Variants in GGA1 observed in about 807,000 individuals in gnomAD.
GGA1 encodes the protein ADP-ribosylation factor-binding protein GGA1.
A neutral mutation model predicts 76.9 loss-of-function variants in GGA1; 18 were observed. The observed-to-expected ratio is 0.23, with a 90% CI of 0.16 to 0.35. The LOEUF (loss-of-function observed/expected upper bound fraction) is 0.35. GGA1 is among the 10% of genes least tolerant of loss of function. GGA1 has a pLI of 1.00. For synonymous variants in GGA1, 342 were observed against 354.7 expected (o/e 0.96, Z 0.40); for missense variants, 755 against 859.0 (o/e 0.88, Z 1.51).
intron 4 of GGA1, among the ~76,000 whole-genome samples, chr22:37,619,209 G>T (rs1191119541): frequency 6.6e-6 from 1 of 152,016 alleles, no homozygotes; most frequent in Non-Finnish European, 1.5e-5. Flanking sequence ...GGGATTGCAG[G>T]TGCACGCCAC....
At chr22:37,629,683 C>T (rs1931441332) in intron 12 of GGA1, among the ~76,000 whole-genome samples, 157 bp downstream of exon 12, 1 of 152,156 alleles carries the variant, frequency 6.6e-6, no homozygotes, top group African/African-American at 2.4e-5. Flanking sequence ...ACCCAGGGTA[C>T]AGGGCCTCCC....
rs570251473 is a variant in GGA1, at chr22:37,630,596, T to C, written c.1332-307T>C. ...CTTTTTCTTTTTTTGAGAGGGAGTC[T>C]CACCCTGTCACCCAGGCTGGAGTAC... On this transcript the variant is annotated intron_variant, in intron 13 of 16. Transcript: ENST00000343632. 9.2e-4 allele frequency: 433 copies of C among 469,192 alleles called. 1 individual carries two copies. The highest frequency in any genetic ancestry group is 7.9e-3 in the African/African-American group (389 of 48,954). 29.1% of individuals were successfully genotyped at this position (469,192 alleles called of 1,614,324 possible).
rs1931439305 is a variant in GGA1 at position 37,629,672 on chromosome 22, C to T, written c.1158+146C>T. 20 of 569,706 alleles carry T rather than the reference C, an allele frequency of 3.5e-5. No homozygotes were observed. The East Asian group carries it at 6.4e-4, about 18-fold the overall frequency. 35.3% of individuals were successfully genotyped at this position (569,706 alleles called of 1,614,324 possible). ...GGTGGCCCAGGGGCCTGGAGACACC[C>T]ACCCAGGGTACAGGGCCTCCCCTTA... is the stretch of plus-strand genomic sequence containing the variant. On this transcript the variant is annotated intron_variant, in intron 12 of 16. Transcript: ENST00000343632.
In GGA1 at chr22:37,625,173, C is replaced by A; in HGVS notation, c.940+97C>A. ...GCTGGTCTCAGAGCGGCTGGAATGA[C>A]TGCCAGGGTGACCCTGGCCCCTTAA... is the stretch of plus-strand genomic sequence containing the variant. On this transcript the variant is annotated intron_variant, in intron 10 of 16. Transcript: ENST00000343632. The surrounding 1 kb of genome is among the most constrained non-coding windows in gnomAD (Gnocchi z 4.1). 1 of 1,129,836 alleles carries A rather than the reference C, an allele frequency of 8.9e-7. No homozygotes were observed. The highest frequency in any genetic ancestry group is 1.3e-6 in the Non-Finnish European group (1 of 777,216). The allele number at this position is 1,129,836 out of a possible 1,614,324, so 70.0% of individuals were successfully genotyped here.
intron 1 of GGA1, chr22:37,609,224 G>C (rs569118683): frequency 3.3e-6 from 4 of 1,228,892 alleles, no homozygotes; most frequent in Non-Finnish European, 4.1e-6. Context: ...ATTGCTTCAC[G>C]GAGTAGCGGC....
chr22:37,613,223 A>T (rs1042590219), intron 1 of GGA1: 1 of 936,052 alleles, frequency 1.1e-6, no homozygotes, highest in African/African-American at 1.8e-5. Context: ...GAGGCCCCTC[A>T]TTCTCTGCCT....
At chr22:37,609,178 G>T in intron 1 of GGA1, 1 of 1,420,954 alleles carries the variant, frequency 7.0e-7, no homozygotes, top group Non-Finnish European at 9.3e-7. Flanking sequence ...GGAACCCCCG[G>T]GACGGAGAGA....
rs1929761120 is a variant in GGA1 at position 37,620,921 on chromosome 22, T to C, written c.528+8T>C. 2 of 1,553,714 alleles carry C rather than the reference T, an allele frequency of 1.3e-6. No homozygotes were observed. The highest frequency in any genetic ancestry group is 1.8e-6 in the Non-Finnish European group (2 of 1,124,902). On this transcript the variant is annotated splice_region_variant and intron_variant, in intron 6 of 16. Coordinates refer to ENST00000343632, the MANE Select transcript of GGA1 (RefSeq NM_013365.5). ...GATGAGGAGAAATCCAAGGTGAGACTCCAAGGAGGCACATATGGGGACTCT... is the reference window on the plus strand; with the variant it reads ...GATGAGGAGAAATCCAAGGTGAGACCCCAAGGAGGCACATATGGGGACTCT...
chr22:37,614,998 T>G (rs1366799674), intron 2 of GGA1, among the ~76,000 whole-genome samples: 1 of 151,964 alleles, frequency 6.6e-6, no homozygotes, highest in Non-Finnish European at 1.5e-5. Flanking sequence ...AACAAAGAAT[T>G]ACCTAGAATG....
At position 37,620,272 on chromosome 22, in the gene GGA1, A is replaced by G; in HGVS notation, c.338A>G (p.Asn113Ser). Reference protein sequence around the residue: ...LGSRTSEKVKNKILELLYSWT... With the variant: ...LGSRTSEKVKSKILELLYSWT... ...TCTCGGACATCGGAGAAGGTGAAGAACAAGATCTTGGAGCTCCTCTACAGC... is the reference window on the plus strand; with the variant it reads ...TCTCGGACATCGGAGAAGGTGAAGAGCAAGATCTTGGAGCTCCTCTACAGC... The change falls in exon 5 of 17, where the codon AAC (asparagine) becomes AGC (serine). Residue 113 changes from asparagine to serine, a missense_variant. Physicochemically the swap from Asn to Ser is conservative, Grantham distance 46. Transcript: ENST00000343632. 1 of 1,613,660 alleles carries G rather than the reference A, an allele frequency of 6.2e-7. No homozygotes were observed. Among genetic ancestry groups the G allele is most frequent in the Non-Finnish European group, 8.5e-7 (1 of 1,179,640 alleles).
Position 37,630,325 on chromosome 22 carries a change from AAC to A in GGA1, c.1331+159_1331+160del, listed in dbSNP as rs1931578110. 8.5e-6 allele frequency: 5 copies of A among 588,372 alleles called. 1 individual carries two copies. The South Asian group carries it at 1.0e-4, about 12-fold the overall frequency. 36.4% of individuals were successfully genotyped at this position (588,372 alleles called of 1,614,324 possible). ...GCCAAGCAGTGCACCTGCCTCTGGA[AAC>A]ACAACAGTGCCCAAGGCAGACCTGG... On this transcript the variant is annotated intron_variant, in intron 13 of 16. Coordinates refer to ENST00000343632, the MANE Select transcript of GGA1 (RefSeq NM_013365.5).
Position 37,633,155 on chromosome 22 carries a change from C to T in GGA1, c.*444C>T, listed in dbSNP as rs765526293. 6 of 167,004 alleles carry T rather than the reference C, an allele frequency of 3.6e-5. No homozygotes were observed. Among genetic ancestry groups the T allele is most frequent in the Admixed American group, 5.8e-5 (1 of 17,208 alleles). 10.3% of individuals were successfully genotyped at this position (167,004 alleles called of 1,614,324 possible). ...TGCTGGAGCTGGGGACCAGCTTAGGCCTCCTCCATAGGAACCCAGTGACTG... is the reference window on the plus strand; with the variant it reads ...TGCTGGAGCTGGGGACCAGCTTAGGTCTCCTCCATAGGAACCCAGTGACTG... On this transcript the variant is annotated 3_prime_UTR_variant, in exon 17 of 17. Coordinates refer to ENST00000343632, the MANE Select transcript of GGA1 (RefSeq NM_013365.5).
chr22:37,624,784 A>C lies in GGA1; in HGVS notation c.833-185A>C. Reference sequence around the variant, plus strand: ...AGTATGGCAGGGAGTGAATGAGGGAAGGGTGGGAGGTGAGACCAGGGAGGT... The same window carrying C: ...AGTATGGCAGGGAGTGAATGAGGGACGGGTGGGAGGTGAGACCAGGGAGGT... On this transcript the variant is annotated intron_variant, in intron 9 of 16. Coordinates refer to ENST00000343632, the MANE Select transcript of GGA1 (RefSeq NM_013365.5). The surrounding 1 kb of genome is among the most constrained non-coding windows in gnomAD (Gnocchi z 4.3). 2.8e-6 allele frequency: 2 copies of C among 712,722 alleles called. No individual in the cohort carries two copies. The highest frequency in any genetic ancestry group is 4.5e-6 in the Non-Finnish European group (2 of 445,270). The allele number at this position is 712,722 out of a possible 1,614,324, so 44.1% of individuals were successfully genotyped here. A position where few individuals can be genotyped will look rare whatever the true frequency, so the allele number is the denominator to read the frequency against.
chr22:37,613,146 G>A (rs1169594582), intron 1 of GGA1: 18 of 985,246 alleles, frequency 1.8e-5, no homozygotes, highest in East Asian at 1.1e-4. Flanking sequence ...AGGGGACACC[G>A]GAGCCACTCC....
At chr22:37,629,583 G>C (rs1269883497) in intron 12 of GGA1, 57 bp downstream of exon 12, 1 of 1,108,914 alleles carries the variant, frequency 9.0e-7, no homozygotes, top group African/African-American at 1.6e-5. Context: ...CAGGGCAGCT[G>C]GGACAAGTGG....
Position 37,623,304 on chromosome 22 carries a change from G to A in GGA1, c.610-23G>A. The A allele has an allele frequency of 6.2e-7, 1 of 1,612,132 alleles. No individual in the cohort carries two copies. The highest frequency in any genetic ancestry group is 8.5e-7 in the Non-Finnish European group (1 of 1,178,302). ...TCGTCCAGGCCAAAGGTTCTCAGGGGCCCTTGGCCAATGTGTCCCCAGGAC... is the reference window on the plus strand; with the variant it reads ...TCGTCCAGGCCAAAGGTTCTCAGGGACCCTTGGCCAATGTGTCCCCAGGAC... On this transcript the variant is annotated intron_variant, in intron 7 of 16. Coordinates refer to ENST00000343632, the MANE Select transcript of GGA1 (RefSeq NM_013365.5). This position sits in a 1 kb window ranked among gnomAD's most constrained non-coding sequence, Gnocchi z 4.6.
intron 3 of GGA1, 33 bp downstream of exon 3, chr22:37,617,030 G>A (rs1164273111): frequency 1.5e-5 from 24 of 1,574,600 alleles, no homozygotes; most frequent in South Asian, 7.0e-5. Flanking sequence ...TCCGTCCCCC[G>A]CCATGTGACG....
chr22:37,611,557 A>G (rs990851985), intron 1 of GGA1, among the ~76,000 whole-genome samples: 2 of 152,214 alleles, frequency 1.3e-5, no homozygotes, highest in Admixed American at 1.3e-4. Flanking sequence ...CACCCAGAAT[A>G]CTTAAATCTG....
chr22:37,615,135 G>A (rs939123698), intron 2 of GGA1, among the ~76,000 whole-genome samples: 1 of 151,190 alleles, frequency 6.6e-6, no homozygotes, highest in South Asian at 2.1e-4. Context: ...AACATAGCGA[G>A]ACATCATCTC....
Sources: allele counts gnomAD v4.1 joint callset (sites outside exome capture counted in the v4.1 genomes callset), GRCh38; gene constraint gnomAD v4.1.1; non-coding constraint Gnocchi (gnomAD v3.1); transcripts MANE v1.5; gene names NCBI Gene and HGNC (gene_info 2026-07-23, HGNC 2026-07-21).